GNAO1: variants seen among roughly 807,000 people sequenced by gnomAD.
The protein encoded by GNAO1 is guanine nucleotide-binding protein G(o) subunit alpha.
For synonymous variants in GNAO1, 164 were observed against 180.7 expected, an observed-to-expected ratio of 0.91 and a Z score of 0.74; for missense variants, 166 against 478.7, an observed-to-expected ratio of 0.35 and a Z score of 6.10.
chr16:56,306,634 G>A (rs1377405856), intron 3 of GNAO1, among the ~76,000 whole-genome samples: 1 of 152,180 alleles, frequency 6.6e-6, no homozygotes, highest in Non-Finnish European at 1.5e-5. Flanking sequence ...ATAACTACAA[G>A]GCGGGAAATG....
At chr16:56,307,542 C>G (rs971663181) in intron 3 of GNAO1, 7 of 152,218 alleles carry the variant, frequency 4.6e-5, no homozygotes, top group African/African-American at 1.7e-4. Flanking sequence ...AGCCCATTCC[C>G]CAGACTCTGG....
chr16:56,290,416 C>G (rs2037219333), intron 3 of GNAO1, among the ~76,000 whole-genome samples: 1 of 152,226 alleles, frequency 6.6e-6, no homozygotes, highest in South Asian at 2.1e-4. Context: ...AAGTCTGCAG[C>G]TAGTCCGTGG....
intron 4 of GNAO1, 65 bp downstream of exon 4, chr16:56,328,856 G>A: frequency 1.3e-6 from 2 of 1,524,336 alleles, no homozygotes; most frequent in Non-Finnish European, 1.8e-6. Context: ...AGGGACTGGT[G>A]ATGGGGATTG....
chr16:56,221,651 C>CAAAAAA (rs11306838), intron 2 of GNAO1, among the ~76,000 whole-genome samples: 1 of 83,872 alleles, frequency 1.2e-5, no homozygotes, highest in Non-Finnish European at 2.4e-5. Flanking sequence ...GACTGCATCT[C>CAAAAAA]AAAAAAAAAA....
intron 2 of GNAO1, among the ~76,000 whole-genome samples, chr16:56,262,058 G>C (rs1229999361): frequency 6.6e-6 from 1 of 152,154 alleles, no homozygotes; most frequent in Non-Finnish European, 1.5e-5. Flanking sequence ...ACTCAGCCCT[G>C]GGACTTAGGC....
At chr16:56,290,521 C>A (rs11076151) in intron 3 of GNAO1, among the ~76,000 whole-genome samples, 31,020 of 152,124 alleles carry the variant, frequency 0.2, 3,528 homozygotes, top group East Asian at 0.41. Flanking sequence ...AAATCAGATC[C>A]TGGAGACCCA....
intron 3 of GNAO1, among the ~76,000 whole-genome samples, chr16:56,293,932 A>C (rs1366178477): frequency 6.6e-6 from 1 of 152,234 alleles, no homozygotes; most frequent in Non-Finnish European, 1.5e-5. Flanking sequence ...AGTGATTAAC[A>C]GCAGTACCTG....
At chr16:56,232,334 G>GAGTGGC (rs1474634590) in intron 2 of GNAO1, among the ~76,000 whole-genome samples, 2 of 152,140 alleles carry the variant, frequency 1.3e-5, no homozygotes, top group Admixed American at 6.5e-5. Context: ...TGTCTAGAGA[G>GAGTGGC]AGTGGCTCTA....
chr16:56,314,541 G>A (rs1170613558), intron 3 of GNAO1, among the ~76,000 whole-genome samples: 3 of 152,088 alleles, frequency 2.0e-5, no homozygotes, highest in Admixed American at 6.5e-5. Flanking sequence ...TTTATAAGTC[G>A]TAATTTTTAC....
intron 3 of GNAO1, among the ~76,000 whole-genome samples, chr16:56,290,384 A>G (rs1385880011): frequency 2.0e-5 from 3 of 152,228 alleles, no homozygotes; most frequent in Non-Finnish European, 2.9e-5. Flanking sequence ...TGCCTGGCCC[A>G]GAATTGGTGG....
intron 3 of GNAO1, among the ~76,000 whole-genome samples, chr16:56,288,750 G>A (rs1263496081): frequency 6.6e-6 from 1 of 152,058 alleles, no homozygotes; most frequent in Non-Finnish European, 1.5e-5. Context: ...GGCGGGTAGG[G>A]TCTTTGTCAT....
chr16:56,303,142 C>T lies in GNAO1; in HGVS notation c.304-25489C>T, dbSNP rs1241366415. On this transcript the variant is annotated intron_variant, in intron 3 of 8. Coordinates refer to ENST00000262493, the MANE Select transcript of GNAO1 (RefSeq NM_020988.3). ...GATTCCTGAGCAGCTTTTGACTGCT[C>T]GTTCTGCCTGCCTGTGGACTGCTTC... Among the ~76,000 whole-genome samples, 3 of 152,188 alleles carry T rather than the reference C, an allele frequency of 2.0e-5. No homozygotes were observed. The East Asian group carries it at 5.8e-4, about 29-fold the overall frequency.
intron 3 of GNAO1, among the ~76,000 whole-genome samples, chr16:56,297,147 G>A (rs1047787004): frequency 1.4e-4 from 22 of 152,280 alleles, no homozygotes; most frequent in Middle Eastern, 3.4e-3. Flanking sequence ...TACCCAGGGT[G>A]GGGTCAGATA....
At chr16:56,262,289 A>G (rs2036910671) in intron 2 of GNAO1, among the ~76,000 whole-genome samples, 1 of 152,192 alleles carries the variant, frequency 6.6e-6, no homozygotes, top group African/African-American at 2.4e-5. Flanking sequence ...AGGAACCCAG[A>G]TAGGAGCCCT....
chr16:56,309,893 T>C (rs1271189233), intron 3 of GNAO1, among the ~76,000 whole-genome samples: 2 of 152,266 alleles, frequency 1.3e-5, no homozygotes, highest in Non-Finnish European at 2.9e-5. Context: ...TCTCAATATT[T>C]ATGAATTCAT....
At chr16:56,290,892 T>C (rs1481087937) in intron 3 of GNAO1, among the ~76,000 whole-genome samples, 1 of 152,246 alleles carries the variant, frequency 6.6e-6, no homozygotes, top group African/African-American at 2.4e-5. Context: ...AATGGAATCA[T>C]ACACTATGTA....
chr16:56,255,592 G>A (rs2143467258), intron 2 of GNAO1: 1 of 152,270 alleles, frequency 6.6e-6, no homozygotes, highest in Admixed American at 6.5e-5. Flanking sequence ...TTGTACCAAG[G>A]TAACCTATGT....
intron 3 of GNAO1, chr16:56,307,925 C>T (rs2037413727): frequency 6.6e-6 from 1 of 152,226 alleles, no homozygotes; most frequent in South Asian, 2.1e-4. Flanking sequence ...ACGGAGGGTT[C>T]CACTGTGGCG....
At chr16:56,275,849 G>C in intron 2 of GNAO1, 82 bp from the exon 3 acceptor site, 1 of 1,241,872 alleles carries the variant, frequency 8.1e-7, no homozygotes. Flanking sequence ...CCCACAGTCA[G>C]CCAGTGCGTC....
Sources: allele counts gnomAD v4.1 joint callset (sites outside exome capture counted in the v4.1 genomes callset), GRCh38; gene constraint gnomAD v4.1.1; transcripts MANE v1.5; gene names NCBI Gene and HGNC (gene_info 2026-07-23, HGNC 2026-07-21).